ZNF740: variants seen among roughly 807,000 people sequenced by gnomAD.
The protein encoded by ZNF740 is zinc finger protein 740.
A neutral mutation model predicts 24.8 loss-of-function variants in ZNF740; 14 were observed. The observed-to-expected ratio is 0.56, with a 90% CI of 0.37 to 0.88. The LOEUF is 0.88. Ranked by LOEUF, ZNF740 falls within the 40% of genes least tolerant of loss-of-function variation. The probability of loss-of-function intolerance (pLI) is 0.00; values close to 1 mark genes in which losing one functional copy is unlikely to be tolerated. For synonymous variants in ZNF740, 69 were observed against 84.0 expected, an observed-to-expected ratio of 0.82 and a Z score of 0.98; for missense variants, 201 against 247.9, an observed-to-expected ratio of 0.81 and a Z score of 1.27.
chr12:53,187,563 G>C lies in ZNF740; in HGVS notation c.555G>C (p.Lys185Asn), dbSNP rs374338462. The stretch of plus-strand genomic sequence containing the variant: ...GGATGTGCCAAGGGTGCCAGTCCAA[G>C]ACTTCCGACGGGCAGTTTTCTCTAT... ...HKRMCQGCQS[K>N]TSDGQFSL is the part of the protein sequence containing the mutation. The change falls in exon 7 of 7, where the codon AAG (lysine) becomes AAC (asparagine). Residue 185 changes from lysine (K) to asparagine (N), a missense_variant. By Grantham distance (94) the Lys-to-Asn change is moderately conservative (BLOSUM62 0). Around this residue, in one of 3 missense-constraint regions of ZNF740, gnomAD observed 24 missense variants for 17.8 expected, o/e 1.35. Transcript: ENST00000416904. 2.5e-6 allele frequency: 4 copies of C among 1,614,040 alleles called. No individual in the cohort carries two copies. The highest frequency in any genetic ancestry group is 3.4e-6 in the Non-Finnish European group (4 of 1,179,890).
intron 1 of ZNF740, chr12:53,181,248 C>T: frequency 2.0e-6 from 2 of 985,458 alleles, no homozygotes; most frequent in Non-Finnish European, 2.4e-6. Flanking sequence ...GGGGAGAACG[C>T]ACACGTGTGG....
Position 53,184,907 on chromosome 12 carries a change from G to A in ZNF740, c.26G>A (p.Cys9Tyr). Residue 9 changes from cysteine to tyrosine, a missense_variant, in exon 3 of 7, where the codon TGT becomes TAT. Cys to Tyr is a radical substitution (Grantham distance 194, BLOSUM62 -2). Coordinates refer to ENST00000416904, the MANE Select transcript of ZNF740 (RefSeq NM_001004304.4). ...TCAACTTAGGCAAGTCTCCTGGCTTGTGAAGGCCTAGCAGGTGTGAGTTTG... is the reference window on the plus strand; with the variant it reads ...TCAACTTAGGCAAGTCTCCTGGCTTATGAAGGCCTAGCAGGTGTGAGTTTG... MAQASLLACEGLAGVSLVP... is the reference protein window; with the variant it reads MAQASLLAYEGLAGVSLVP... 3 of 1,613,340 alleles carry A rather than the reference G, an allele frequency of 1.9e-6. No homozygotes were observed. The highest frequency in any genetic ancestry group is 2.5e-6 in the Non-Finnish European group (3 of 1,179,620).
chr12:53,193,043 CTT>C lies in ZNF740; in HGVS notation c.*5456_*5457del, dbSNP rs1942022158. 10 of 1,386,278 alleles carry C rather than the reference CTT, an allele frequency of 7.2e-6. No individual in the cohort carries two copies. Among genetic ancestry groups the C allele is most frequent in the Admixed American group, 1.9e-5 (1 of 51,358 alleles). The allele number at this position is 1,386,278 out of a possible 1,614,324, so 85.9% of individuals were successfully genotyped here. On this transcript the variant is annotated 3_prime_UTR_variant, in exon 7 of 7. Coordinates refer to ENST00000416904, the MANE Select transcript of ZNF740 (RefSeq NM_001004304.4). ...CACCCTCTAACCCATACACCGGAAT[CTT>C]TTGATATTTGCCTTCCATGCCAGGA...
rs1019211648 is a variant in ZNF740 at position 53,185,477 on chromosome 12, G to A, written c.249+1G>A. 6.2e-7 allele frequency: 1 copy of A among 1,613,606 alleles called. No homozygotes were observed. On this transcript the variant is annotated splice_donor_variant, in intron 4 of 6. Coordinates refer to ENST00000416904, the MANE Select transcript of ZNF740 (RefSeq NM_001004304.4). LOFTEE classifies it high-confidence loss of function. ...TCATTCAAAAAAGACTGTTAAAAAG[G>A]CAGGTAATGGGGTGATCCCCCAAAC...
rs529796098 is a variant in ZNF740, at chr12:53,193,382, G to A, written c.*5792G>A. On this transcript the variant is annotated 3_prime_UTR_variant, in exon 7 of 7. Transcript: ENST00000416904. ...GGCACAGCTGGAAGGGGAAGGCAAA[G>A]GAGAGAAGTAGGTCAGAGGGTTTGA... 2 of 1,534,386 alleles carry A rather than the reference G, an allele frequency of 1.3e-6. No homozygotes were observed. The highest frequency in any genetic ancestry group is 2.5e-5 in the South Asian group (2 of 81,226).
chr12:53,194,194 T>C lies in ZNF740; in HGVS notation c.*6604T>C. 6.2e-7 allele frequency: 1 copy of C among 1,614,058 alleles called. No homozygotes were observed. The highest frequency in any genetic ancestry group is 8.5e-7 in the Non-Finnish European group (1 of 1,179,996). ...GCCTTCTGCCTGTGCTTGCTGGCTC[T>C]CACCGTCTGGTTGATTCGGACGTGG... On this transcript the variant is annotated 3_prime_UTR_variant, in exon 7 of 7. Coordinates refer to ENST00000416904, the MANE Select transcript of ZNF740 (RefSeq NM_001004304.4).
chr12:53,191,779 G>T lies in ZNF740; in HGVS notation c.*4189G>T. 1 of 1,587,644 alleles carries T rather than the reference G, an allele frequency of 6.3e-7. No individual in the cohort carries two copies. The highest frequency in any genetic ancestry group is 8.6e-7 in the Non-Finnish European group (1 of 1,157,618). On this transcript the variant is annotated 3_prime_UTR_variant, in exon 7 of 7. Coordinates refer to ENST00000416904, the MANE Select transcript of ZNF740 (RefSeq NM_001004304.4). ...TTGGTTACATGTGCCAGGGGCTGGG[G>T]GAACCCAGTGGGAGGAATCAGGGCT... is the stretch of plus-strand genomic sequence containing the variant.
In ZNF740 at chr12:53,193,247, T is replaced by C; in HGVS notation, c.*5657T>C. 6.2e-7 allele frequency: 1 copy of C among 1,614,140 alleles called. No homozygotes were observed. The highest frequency in any genetic ancestry group is 1.1e-5 in the South Asian group (1 of 91,082). On this transcript the variant is annotated 3_prime_UTR_variant, in exon 7 of 7. Transcript: ENST00000416904. ...GCAGCGTCCACATTGACAGTGACCC[T>C]TTCCACTGCACAGGGGCCCTGTGCC...
rs757400487 is a variant in ZNF740, at chr12:53,186,370, T to A, written c.374-21T>A. ...ACTGTACATACCTCCCCACATTCAC[T>A]TCTCTGTCCACCTGGGCCAGGTGAG... On this transcript the variant is annotated intron_variant, in intron 5 of 6. Coordinates refer to ENST00000416904, the MANE Select transcript of ZNF740 (RefSeq NM_001004304.4). The A allele has an allele frequency of 6.8e-5, 105 of 1,553,474 alleles. 1 individual carries two copies. The South Asian group carries it at 1.0e-3, about 15-fold the overall frequency.
Position 53,193,022 on chromosome 12 carries a change from C to A in ZNF740, c.*5432C>A. The A allele has an allele frequency of 7.4e-7, 1 of 1,358,190 alleles. No homozygotes were observed. The highest frequency in any genetic ancestry group is 1.0e-6 in the Non-Finnish European group (1 of 972,144). 84.1% of individuals were successfully genotyped at this position (1,358,190 alleles called of 1,614,324 possible). A position where few individuals can be genotyped will look rare whatever the true frequency, so the allele number is the denominator to read the frequency against. ...CTTTTTGAAGTATGCCAACCACACC[C>A]TCTAACCCATACACCGGAATCTTTT... On this transcript the variant is annotated 3_prime_UTR_variant, in exon 7 of 7. Coordinates refer to ENST00000416904, the MANE Select transcript of ZNF740 (RefSeq NM_001004304.4).
intron 3 of ZNF740, 108 bp from the exon 4 acceptor site, chr12:53,185,279 C>G: frequency 7.8e-7 from 1 of 1,277,546 alleles, no homozygotes; most frequent in East Asian, 2.5e-5. Flanking sequence ...TCTAAGCTTT[C>G]GGGGCAGGTG....
At position 53,184,933 on chromosome 12, in the gene ZNF740, G is replaced by C; in HGVS notation, c.52G>C (p.Val18Leu). The C allele has an allele frequency of 6.2e-7, 1 of 1,613,956 alleles. No individual in the cohort carries two copies. The highest frequency in any genetic ancestry group is 8.5e-7 in the Non-Finnish European group (1 of 1,179,866). ...ACEGLAGVSL[V>L]PTAASKKMML... ...TGAAGGCCTAGCAGGTGTGAGTTTG[G>C]TTCCCACTGCAGCCAGCAAGAAGAT... The change falls in exon 3 of 7, where the codon GTT becomes CTT. Residue 18 changes from valine (V) to leucine (L), a missense_variant. Physicochemically the swap from Val to Leu is conservative, Grantham distance 32. This residue lies in a region of ZNF740 where 117 missense variants were observed against 122.3 expected (regional missense o/e 0.96). Transcript: ENST00000416904.
At position 53,185,279 on chromosome 12, in the gene ZNF740, C is replaced by T. The variant is rs556426305; in HGVS notation, c.160-108C>T. 77 of 1,277,540 alleles carry T rather than the reference C, an allele frequency of 6.0e-5. 1 individual carries two copies. Among genetic ancestry groups the T allele is most frequent in the Admixed American group, 4.3e-5 (2 of 46,586 alleles). The allele number at this position is 1,277,540 out of a possible 1,614,324, so 79.1% of individuals were successfully genotyped here. On this transcript the variant is annotated intron_variant, in intron 3 of 6. Coordinates refer to ENST00000416904, the MANE Select transcript of ZNF740 (RefSeq NM_001004304.4). ...TAGTTGTATACTTCCTCTAAGCTTT[C>T]GGGGCAGGTGGTTTACTCTCATTTA...
Position 53,188,031 on chromosome 12 carries a change from A to G in ZNF740, c.*441A>G. 5.6e-6 allele frequency: 1 copy of G among 178,916 alleles called. No homozygotes were observed. The highest frequency in any genetic ancestry group is 1.2e-5 in the Non-Finnish European group (1 of 82,842). 11.1% of individuals were successfully genotyped at this position (178,916 alleles called of 1,614,324 possible). On this transcript the variant is annotated 3_prime_UTR_variant, in exon 7 of 7. Coordinates refer to ENST00000416904, the MANE Select transcript of ZNF740 (RefSeq NM_001004304.4). ...CTGTGGATACAGGTAATCCAGAGGCATAAGAGTCCTGGTCCAAAGTAGGGA... is the reference window on the plus strand; with the variant it reads ...CTGTGGATACAGGTAATCCAGAGGCGTAAGAGTCCTGGTCCAAAGTAGGGA...
chr12:53,185,904 C>A (rs1248253105), intron 4 of ZNF740, 50 bp from the exon 5 acceptor site: 1 of 1,602,574 alleles, frequency 6.2e-7, no homozygotes, highest in African/African-American at 1.3e-5. Context: ...ACAGTGTCTC[C>A]AGGAAGAGGG....
At position 53,181,933 on chromosome 12, in the gene ZNF740, G is replaced by A; in HGVS notation, c.-51G>A. 6.3e-7 allele frequency: 1 copy of A among 1,594,300 alleles called. No homozygotes were observed. Among genetic ancestry groups the A allele is most frequent in the Non-Finnish European group, 8.5e-7 (1 of 1,169,776 alleles). On this transcript the variant is annotated 5_prime_UTR_variant, in exon 2 of 7. In the 5' UTR this introduces an upstream ATG that the reference lacks. Transcript: ENST00000416904. Reference sequence around the variant, plus strand: ...CAAAACGACAGTGTCTCAAGGAAAGGTGGACCTAGGAACTCCTGAACTTTT... The same window carrying A: ...CAAAACGACAGTGTCTCAAGGAAAGATGGACCTAGGAACTCCTGAACTTTT...
intron 6 of ZNF740, 155 bp downstream of exon 6, chr12:53,186,664 G>A: frequency 1.8e-6 from 1 of 569,144 alleles, no homozygotes; most frequent in East Asian, 2.9e-5. Flanking sequence ...GCCTTATGCA[G>A]CTGATCATGG....
At position 53,194,827 on chromosome 12, in the gene ZNF740, G is replaced by T. The variant is rs564122248; in HGVS notation, c.*7237G>T. The T allele has an allele frequency of 2.4e-5, 4 of 167,266 alleles. No homozygotes were observed. The highest frequency in any genetic ancestry group is 9.6e-5 in the African/African-American group (4 of 41,854). The allele number at this position is 167,266 out of a possible 1,614,324, so 10.4% of individuals were successfully genotyped here. A position where few individuals can be genotyped will look rare whatever the true frequency, so the allele number is the denominator to read the frequency against. ...ACCTAAACCACTAAGAATTTTTATG[G>T]TTCCTTCTACCTGTAAAATTCTATG... On this transcript the variant is annotated 3_prime_UTR_variant, in exon 7 of 7. Transcript: ENST00000416904.
Position 53,182,232 on chromosome 12 carries a change from A to C in ZNF740, c.9+240A>C. 3 of 564,634 alleles carry C rather than the reference A, an allele frequency of 5.3e-6. No homozygotes were observed. The South Asian group carries it at 6.8e-5, about 13-fold the overall frequency. 35.0% of individuals were successfully genotyped at this position (564,634 alleles called of 1,614,324 possible). A position where few individuals can be genotyped will look rare whatever the true frequency, so the allele number is the denominator to read the frequency against. On this transcript the variant is annotated intron_variant, in intron 2 of 6. Transcript: ENST00000416904. The stretch of plus-strand genomic sequence containing the variant: ...CACAGGCACTGATGGGACATTTGCA[A>C]AGCAACGTGTACTCAGTTTACATTT...
Sources: gnomAD v4.1 joint callset for allele counts on GRCh38, gnomAD v4.1.1 for gene constraint, gnomAD v4.1.1 regional missense constraint, MANE v1.5 for transcripts, NCBI Gene and HGNC (gene_info 2026-07-23, HGNC 2026-07-21) for gene names.